SLCO3A1: variants seen among roughly 807,000 people sequenced by gnomAD.
SLCO3A1 encodes solute carrier organic anion transporter family member 3A1, also known as PGE1 transporter.
Under a neutral mutation model 63.1 loss-of-function variants are expected in SLCO3A1, and 27 were observed. That is an observed-to-expected ratio of 0.43 (90% confidence interval 0.32 to 0.59). The LOEUF is 0.59. SLCO3A1 is among the 20% of genes least tolerant of loss of function. The pLI, the probability that SLCO3A1 is intolerant of heterozygous loss-of-function variation, is 0.09. For synonymous variants in SLCO3A1, 473 were observed against 409.9 expected (o/e 1.15, Z -1.86); for missense variants, 773 against 945.8 (o/e 0.82, Z 2.40).
rs1249635277 is a variant in SLCO3A1, at chr15:91,967,997, C to G, written c.646+51539C>G. 6.6e-6 allele frequency among the ~76,000 whole-genome samples: 1 copy of G among 152,166 alleles called. No individual in the cohort carries two copies. The highest frequency in any genetic ancestry group is 2.4e-5 in the African/African-American group (1 of 41,442). On this transcript the variant is annotated intron_variant, in intron 2 of 9. Transcript: ENST00000318445. The surrounding 1 kb of genome is among the most constrained non-coding windows in gnomAD (Gnocchi z 4.4). ...GATGCAAGATGGCTTTGAAATGTCC[C>G]TATCTTCCTTCCCTTCTGATTGCCT...
At chr15:92,131,983 T>C (rs1472545342) in intron 7 of SLCO3A1, among the ~76,000 whole-genome samples, 1 of 145,830 alleles carries the variant, frequency 6.9e-6, no homozygotes, top group African/African-American at 2.5e-5. Flanking sequence ...GGCTCTGTTA[T>C]GGAACCTTGC....
At chr15:92,071,246 C>G (rs1380881028) in intron 2 of SLCO3A1, among the ~76,000 whole-genome samples, 1 of 152,102 alleles carries the variant, frequency 6.6e-6, no homozygotes, top group Admixed American at 6.5e-5. Context: ...CATGCGAGGC[C>G]GGTGCCTGCC....
At chr15:92,141,277 G>A (rs2048128354) in intron 7 of SLCO3A1, among the ~76,000 whole-genome samples, 1 of 152,160 alleles carries the variant, frequency 6.6e-6, no homozygotes, top group South Asian at 2.1e-4. Flanking sequence ...TGAAAATGGG[G>A]TCATTTGCCA....
chr15:92,039,628 T>A (rs2046772264), intron 2 of SLCO3A1, among the ~76,000 whole-genome samples: 2 of 152,156 alleles, frequency 1.3e-5, no homozygotes, highest in South Asian at 4.1e-4. Context: ...GGAATGTAAA[T>A]TAGTTCAACC....
At chr15:91,908,961 T>G (rs966796881) in intron 1 of SLCO3A1, among the ~76,000 whole-genome samples, 2 of 152,114 alleles carry the variant, frequency 1.3e-5, no homozygotes, top group African/African-American at 4.8e-5. Context: ...CTCAGGAGGC[T>G]GAGGCAGGAG....
intron 2 of SLCO3A1, among the ~76,000 whole-genome samples, chr15:91,925,179 C>T (rs754082682): frequency 9.9e-5 from 15 of 152,190 alleles, no homozygotes; most frequent in East Asian, 3.9e-4. Context: ...TAATAACATG[C>T]GTATTGTTTC....
chr15:92,003,246 GT>G (rs1009797851), intron 2 of SLCO3A1, among the ~76,000 whole-genome samples: 27 of 152,238 alleles, frequency 1.8e-4, no homozygotes, highest in African/African-American at 6.5e-4. Flanking sequence ...CTGTGTAAAT[GT>G]TTGTCGAGTG....
At chr15:91,978,754 T>A (rs755489252) in intron 2 of SLCO3A1, among the ~76,000 whole-genome samples, 1 of 152,268 alleles carries the variant, frequency 6.6e-6, no homozygotes, top group Non-Finnish European at 1.5e-5. Context: ...TGGATTCATA[T>A]ATGAATACTA....
chr15:92,059,114 A>G (rs2047055790), intron 2 of SLCO3A1, among the ~76,000 whole-genome samples: 1 of 152,212 alleles, frequency 6.6e-6, no homozygotes, highest in Non-Finnish European at 1.5e-5. Flanking sequence ...CAGCTGGGGA[A>G]GCAGTTGGAA....
chr15:92,050,154 C>A (rs2046939635), intron 2 of SLCO3A1, among the ~76,000 whole-genome samples: 1 of 152,192 alleles, frequency 6.6e-6, no homozygotes, highest in Non-Finnish European at 1.5e-5. Context: ...AGCTTCTGGT[C>A]TTGTGGACTT....
At chr15:92,111,602 T>C (rs1323490951) in intron 4 of SLCO3A1, among the ~76,000 whole-genome samples, 1 of 152,196 alleles carries the variant, frequency 6.6e-6, no homozygotes, top group Non-Finnish European at 1.5e-5. Flanking sequence ...GCTTAAGTTC[T>C]TATCAATATT....
At chr15:92,106,631 C>T (rs1467270283) in intron 4 of SLCO3A1, among the ~76,000 whole-genome samples, 1 of 152,178 alleles carries the variant, frequency 6.6e-6, no homozygotes, top group Non-Finnish European at 1.5e-5. Flanking sequence ...CTAGTAATCA[C>T]TTGTCTTTCA....
intron 2 of SLCO3A1, among the ~76,000 whole-genome samples, chr15:91,926,610 C>CA (rs1555450210): frequency 2.6e-5 from 3 of 114,366 alleles, no homozygotes; most frequent in African/African-American, 1.3e-4. Flanking sequence ...CGCGCGCACG[C>CA]CCATGCTTAT....
intron 1 of SLCO3A1, among the ~76,000 whole-genome samples, chr15:91,899,486 A>G (rs1898097202): frequency 6.6e-6 from 1 of 152,130 alleles, no homozygotes; most frequent in South Asian, 2.1e-4. Flanking sequence ...TGTAGTTCCA[A>G]CGTGACTCCT....
intron 2 of SLCO3A1, among the ~76,000 whole-genome samples, chr15:92,091,855 G>T (rs1431813055): frequency 6.6e-6 from 1 of 152,200 alleles, no homozygotes; most frequent in African/African-American, 2.4e-5. Context: ...TCTTTGTTCA[G>T]CTGAAACCCA....
chr15:91,869,860 G>C (rs914388218), intron 1 of SLCO3A1, among the ~76,000 whole-genome samples: 1 of 152,184 alleles, frequency 6.6e-6, no homozygotes, highest in South Asian at 2.1e-4. Flanking sequence ...TTTGTTCTCA[G>C]AATAAAACTC....
At chr15:92,060,379 G>A (rs182939055) in intron 2 of SLCO3A1, among the ~76,000 whole-genome samples, 250 of 152,140 alleles carry the variant, frequency 1.6e-3, no homozygotes, top group African/African-American at 5.8e-3. Context: ...GGCCAACATC[G>A]CGAAACCCTG....
intron 2 of SLCO3A1, among the ~76,000 whole-genome samples, chr15:91,983,352 G>T (rs1440942409): frequency 1.3e-5 from 2 of 152,202 alleles, no homozygotes; most frequent in Non-Finnish European, 2.9e-5. Context: ...CGAGTGGGAG[G>T]CTATTTATTT....
At chr15:92,057,482 A>G (rs770478697) in intron 2 of SLCO3A1, among the ~76,000 whole-genome samples, 9 of 152,314 alleles carry the variant, frequency 5.9e-5, no homozygotes, top group Non-Finnish European at 1.0e-4. Context: ...TTCACTCCCA[A>G]CATGGAGAGG....
Sources: gnomAD v4.1 joint callset for allele counts (sites outside exome capture counted in the v4.1 genomes callset) on GRCh38, gnomAD v4.1.1 for gene constraint, Gnocchi (gnomAD v3.1) non-coding constraint, MANE v1.5 for transcripts, NCBI Gene and HGNC (gene_info 2026-07-23, HGNC 2026-07-21) for gene names.